FSIP2: variants seen among roughly 807,000 people sequenced by gnomAD.
FSIP2 encodes fibrous sheath-interacting protein 2.
Under a neutral mutation model 510.5 loss-of-function variants are expected in FSIP2, and 367 were observed. The ratio of observed to expected loss-of-function variants is 0.72; its 90% CI spans 0.66 to 0.78. The LOEUF (loss-of-function observed/expected upper bound fraction) is 0.78, where lower values mean the gene tolerates loss of function less well. FSIP2 is among the 30% of genes least tolerant of loss of function. The pLI is 0.00. For synonymous variants in FSIP2, 2,601 were observed against 2,732.2 expected, an observed-to-expected ratio of 0.95 and a Z score of 1.50; for missense variants, 7,594 against 7,901.7, an observed-to-expected ratio of 0.96 and a Z score of 1.48.
intron 18 of FSIP2, among the ~76,000 whole-genome samples, chr2:185,814,676 AGTATAATC>A (rs1489585908): frequency 2.6e-5 from 4 of 152,082 alleles, no homozygotes; most frequent in African/African-American, 7.2e-5. Flanking sequence ...TTGGTCCTGC[AGTATAATC>A]TACATTTTAA....
chr2:185,806,170 A>G lies in FSIP2; in HGVS notation c.16864A>G (p.Lys5622Glu). Residue 5622 changes from lysine to glutamate, a missense_variant, in exon 17 of 23, where the codon AAA becomes GAA. Physicochemically the swap from Lys to Glu is moderately conservative, Grantham distance 56 (BLOSUM62 1). Transcript: ENST00000424728. The part of the protein sequence containing the change: ...IDNARESSFK[K>E]DDKLFQLSSL... ...CAATGCAAGGGAAAGCTCATTTAAA[A>G]AAGATGACAAGCTCTTTCAGTTATC... 6.3e-7 allele frequency: 1 copy of G among 1,583,830 alleles called. No individual in the cohort carries two copies. Among genetic ancestry groups the G allele is most frequent in the Non-Finnish European group, 8.5e-7 (1 of 1,170,694 alleles).
In FSIP2 at chr2:185,747,323, C is replaced by A. The variant is rs926694612; in HGVS notation, c.770C>A (p.Thr257Lys). 1 of 1,519,218 alleles carries A rather than the reference C, an allele frequency of 6.6e-7. No individual in the cohort carries two copies. The highest frequency in any genetic ancestry group is 8.8e-7 in the Non-Finnish European group (1 of 1,131,982). 94.1% of individuals were successfully genotyped at this position (1,519,218 alleles called of 1,614,324 possible). The change falls in exon 7 of 23, where the codon ACA (threonine) becomes AAA (lysine). Residue 257 changes from threonine (T) to lysine (K), a missense_variant. Coordinates refer to ENST00000424728, the MANE Select transcript of FSIP2 (RefSeq NM_173651.4). ...CATTGTGATTTCTAGGAATGGAAGA[C>A]AAAAGAGATGTTACTTCTGACAAGG... ...LRRKIEEEWK[T>K]KEMLLLTRMA... is the part of the protein sequence containing the mutation.
chr2:185,742,153 C>A (rs6705390), intron 2 of FSIP2, among the ~76,000 whole-genome samples: 1 of 151,918 alleles, frequency 6.6e-6, no homozygotes, highest in Non-Finnish European at 1.5e-5. Context: ...GTTTTTCTGG[C>A]CCAGCAAACT....
intron 9 of FSIP2, among the ~76,000 whole-genome samples, chr2:185,758,237 T>C (rs1692282080): frequency 6.6e-6 from 1 of 151,114 alleles, no homozygotes; most frequent in Non-Finnish European, 1.5e-5. Flanking sequence ...AAATTTGAAA[T>C]TTTGGGTTGT....
intron 13 of FSIP2, among the ~76,000 whole-genome samples, chr2:185,774,109 T>A (rs1692667230): frequency 6.6e-6 from 1 of 152,168 alleles, no homozygotes; most frequent in Non-Finnish European, 1.5e-5. Flanking sequence ...TGTGTGAAAT[T>A]GAGACTTATT....
At position 185,803,700 on chromosome 2, in the gene FSIP2, T is replaced by G. The variant is rs538207704; in HGVS notation, c.14394T>G (p.Val4798=). 5 of 1,532,750 alleles carry G rather than the reference T, an allele frequency of 3.3e-6. No individual in the cohort carries two copies. The East Asian group carries it at 1.2e-4, about 38-fold the overall frequency. The allele number at this position is 1,532,750 out of a possible 1,614,324, so 94.9% of individuals were successfully genotyped here. Residue 4798 remains valine, a synonymous_variant, in exon 17 of 23, where the codon GTT becomes GTG. Transcript: ENST00000424728. ...MLSHSHLEKI[V]TQLTSQISPL... Reference sequence around the variant, plus strand: ...CACATAGTCATTTGGAAAAAATAGTTACTCAGCTTACATCTCAGATAAGTC... The same window carrying G: ...CACATAGTCATTTGGAAAAAATAGTGACTCAGCTTACATCTCAGATAAGTC...
Position 185,807,454 on chromosome 2 carries a change from AAGTT to A in FSIP2, c.18152_18155del (p.Leu6051Ter). 3.1e-6 allele frequency: 5 copies of A among 1,612,618 alleles called. No individual in the cohort carries two copies. The highest frequency in any genetic ancestry group is 4.2e-6 in the Non-Finnish European group (5 of 1,179,282). ...CACAGAACTGAATTTCCTTCAAATG[AAGTT>A]AGTAAGTGCAGTTGCAACAGAGATC... is the stretch of plus-strand genomic sequence containing the variant. On this transcript the variant is annotated frameshift_variant, in exon 17 of 23. Coordinates refer to ENST00000424728, the MANE Select transcript of FSIP2 (RefSeq NM_173651.4). LOFTEE classifies it high-confidence loss of function.
At chr2:185,756,329 G>A in intron 9 of FSIP2, 51 bp downstream of exon 9, 1 of 643,022 alleles carries the variant, frequency 1.6e-6, no homozygotes, top group South Asian at 3.1e-5. Flanking sequence ...ATAATTTGGG[G>A]GAAAGACAGT....
intron 10 of FSIP2, among the ~76,000 whole-genome samples, chr2:185,761,382 G>A (rs1213521365): frequency 2.0e-5 from 3 of 151,108 alleles, no homozygotes; most frequent in African/African-American, 7.3e-5. Context: ...TTGACTAGGT[G>A]TTGTACTAAG....
intron 7 of FSIP2, among the ~76,000 whole-genome samples, chr2:185,752,817 A>G (rs914820587): frequency 4.0e-5 from 6 of 151,438 alleles, no homozygotes; most frequent in Non-Finnish European, 7.4e-5. Flanking sequence ...TTTATAAGTC[A>G]TATTCCCCTG....
rs1483948732 is a variant in FSIP2, at chr2:185,791,872, A to C, written c.4736A>C (p.Lys1579Thr). The C allele has an allele frequency of 6.5e-7, 1 of 1,533,894 alleles. No individual in the cohort carries two copies. Among genetic ancestry groups the C allele is most frequent in the African/African-American group, 1.4e-5 (1 of 72,978 alleles). Residue 1579 changes from lysine (K) to threonine (T), a missense_variant, in exon 16 of 23, where the codon AAA (lysine) becomes ACA (threonine). Physicochemically the swap from Lys to Thr is moderately conservative, Grantham distance 78. Transcript: ENST00000424728. ...STKEMHPNKL[K>T]AVASDILNMV... ...AAAGAAATGCATCCAAATAAACTAA[A>C]AGCTGTAGCTTCAGATATTCTTAAT...
At chr2:185,823,888 T>C (rs554339646) in intron 19 of FSIP2, among the ~76,000 whole-genome samples, 6 of 151,910 alleles carry the variant, frequency 3.9e-5, no homozygotes, top group Non-Finnish European at 8.8e-5. Context: ...TTCAATGGAA[T>C]GTTATTCAGC....
rs1451880652 is a variant in FSIP2, at chr2:185,792,562, G to C, written c.5426G>C (p.Gly1809Ala). ...TCTCTCTCCCACTCTAATTTTAATG[G>C]CATGCCTCACAATGTTGATGAGCCA... is the stretch of plus-strand genomic sequence containing the variant. ...VLSLSHSNFN[G>A]MPHNVDEPTP... Residue 1809 changes from glycine to alanine, a missense_variant, in exon 16 of 23, where the codon GGC (glycine) becomes GCC (alanine). Transcript: ENST00000424728. 3 of 1,532,570 alleles carry C rather than the reference G, an allele frequency of 2.0e-6. No homozygotes were observed. The highest frequency in any genetic ancestry group is 2.6e-6 in the Non-Finnish European group (3 of 1,144,490). 94.9% of individuals were successfully genotyped at this position (1,532,570 alleles called of 1,614,324 possible).
At chr2:185,744,060 C>T (rs1315264795) in intron 3 of FSIP2, among the ~76,000 whole-genome samples, 1 of 151,748 alleles carries the variant, frequency 6.6e-6, no homozygotes, top group Admixed American at 6.6e-5. Context: ...AAACTCCTGG[C>T]CTCAAGAGAT....
At chr2:185,753,248 A>G (rs1437240977) in intron 7 of FSIP2, among the ~76,000 whole-genome samples, 1 of 151,142 alleles carries the variant, frequency 6.6e-6, no homozygotes, top group East Asian at 2.0e-4. Context: ...TACTGCAAGA[A>G]CCCTCTAAGA....
At position 185,794,819 on chromosome 2, in the gene FSIP2, TAATAAA is replaced by T; in HGVS notation, c.7685_7690del (p.Asn2562_Lys2563del). The T allele has an allele frequency of 1.3e-6, 2 of 1,532,388 alleles. No individual in the cohort carries two copies. The highest frequency in any genetic ancestry group is 4.9e-5 in the East Asian group (2 of 40,814). The allele number at this position is 1,532,388 out of a possible 1,614,324, so 94.9% of individuals were successfully genotyped here. A position where few individuals can be genotyped will look rare whatever the true frequency, so the allele number is the denominator to read the frequency against. On this transcript the variant is annotated inframe_deletion, in exon 16 of 23. Coordinates refer to ENST00000424728, the MANE Select transcript of FSIP2 (RefSeq NM_173651.4). ...TAGTTGTGACATCATTATATGAAAATAATAAAAGTAGGACAGAAGTTGAAATATCTG... is the reference window on the plus strand; with the variant it reads ...TAGTTGTGACATCATTATATGAAAATAGTAGGACAGAAGTTGAAATATCTG...
intron 21 of FSIP2, among the ~76,000 whole-genome samples, chr2:185,830,031 C>T (rs1694079068): frequency 6.6e-6 from 1 of 151,806 alleles, no homozygotes; most frequent in Admixed American, 6.6e-5. Context: ...ATACTGAACA[C>T]TACAAAAATT....
Position 185,799,938 on chromosome 2 carries a change from A to G in FSIP2, c.10632A>G (p.Gln3544=). 2.0e-6 allele frequency: 3 copies of G among 1,533,616 alleles called. No homozygotes were observed. The South Asian group carries it at 3.6e-5, about 18-fold the overall frequency. Residue 3544 remains glutamine, a synonymous_variant, in exon 17 of 23, where the codon CAA becomes CAG. Transcript: ENST00000424728. The stretch of plus-strand genomic sequence containing the variant: ...GCAAGATTATTTCAATTCATTCTCA[A>G]GTGTTTGAGAGCAGGTCAATTTCCA... The part of the protein sequence containing the change: ...TFSKIISIHS[Q]VFESRSISIG...
intron 17 of FSIP2, among the ~76,000 whole-genome samples, chr2:185,812,988 A>C (rs1026104075): frequency 1.3e-5 from 2 of 152,098 alleles, no homozygotes; most frequent in African/African-American, 4.8e-5. Context: ...ACTGAGATTT[A>C]ACTTAGGAAG....
Sources: gnomAD v4.1 joint callset for allele counts (sites outside exome capture counted in the v4.1 genomes callset) on GRCh38, gnomAD v4.1.1 for gene constraint, MANE v1.5 for transcripts, NCBI Gene and HGNC (gene_info 2026-07-23, HGNC 2026-07-21) for gene names.